The following EML6 variants were observed in gnomAD, a reference collection of about 807,000 sequenced individuals.
EML6 encodes the protein EMAP like 6, also known as echinoderm microtubule-associated protein-like 6.
Under a neutral mutation model 240.1 loss-of-function variants are expected in EML6, and 154 were observed. That is an observed-to-expected ratio of 0.64 (90% CI 0.56 to 0.73). The LOEUF (loss-of-function observed/expected upper bound fraction) is 0.73, where lower values mean the gene tolerates loss of function less well. Among genes scored for constraint, EML6 ranks in the 30% least tolerant of loss-of-function variants. The probability of loss-of-function intolerance (pLI) is 0.00; values close to 1 mark genes in which losing one functional copy is unlikely to be tolerated. For synonymous variants in EML6, 1,148 were observed against 899.0 expected (o/e 1.28, Z -4.95); for missense variants, 2,964 against 2,474.6 (o/e 1.20, Z -4.20).
At chr2:54,767,997 T>C (rs1473356709) in intron 2 of EML6, among the ~76,000 whole-genome samples, 1 of 152,172 alleles carries the variant, frequency 6.6e-6, no homozygotes, top group South Asian at 2.1e-4. Flanking sequence ...GTAATGATTC[T>C]TAGGCTTTGT....
At chr2:54,943,167 G>C (rs1360589193) in intron 28 of EML6, among the ~76,000 whole-genome samples, 2 of 152,144 alleles carry the variant, frequency 1.3e-5, no homozygotes, top group Admixed American at 6.5e-5. Flanking sequence ...GAAGCCACTG[G>C]CACGCATTCC....
intron 2 of EML6, among the ~76,000 whole-genome samples, chr2:54,790,583 T>G (rs1669381183): frequency 6.6e-6 from 1 of 152,198 alleles, no homozygotes; most frequent in Admixed American, 6.5e-5. Flanking sequence ...GCCAAGGACC[T>G]ACATTTTAAT....
chr2:54,732,809 G>A (rs1221876558), intron 2 of EML6, among the ~76,000 whole-genome samples: 3 of 152,228 alleles, frequency 2.0e-5, no homozygotes, highest in African/African-American at 7.2e-5. Flanking sequence ...AATAGTGAGT[G>A]CAGTGTTTAG....
intron 2 of EML6, among the ~76,000 whole-genome samples, chr2:54,784,908 A>T (rs770366056): frequency 6.6e-6 from 1 of 152,204 alleles, no homozygotes; most frequent in Non-Finnish European, 1.5e-5. Flanking sequence ...AGAGTACATC[A>T]TCTGTTTACA....
rs952966555 is a variant in EML6 at position 54,816,842 on chromosome 2, G to A, written c.413G>A (p.Arg138Lys). Residue 138 changes from arginine to lysine, a missense_variant, in exon 4 of 42, where the codon AGG becomes AAG. Physicochemically the swap from Arg to Lys is conservative, Grantham distance 26 (BLOSUM62 2). Transcript: ENST00000356458. ...AACACAGTCTGCATTTGGGACTGGA[G>A]GAAGGGAAAACTTCTGGCGTCAGCC... ...AKNTVCIWDW[R>K]KGKLLASATG... The A allele has an allele frequency of 6.4e-7, 1 of 1,551,558 alleles. No individual in the cohort carries two copies. Among genetic ancestry groups the A allele is most frequent in the Non-Finnish European group, 8.7e-7 (1 of 1,146,864 alleles).
intron 17 of EML6, among the ~76,000 whole-genome samples, chr2:54,889,295 G>A (rs1419951985): frequency 6.6e-6 from 1 of 151,764 alleles, no homozygotes; most frequent in Non-Finnish European, 1.5e-5. Flanking sequence ...TCTTCCATGA[G>A]AGCTTTAAAA....
chr2:54,833,483 G>C (rs753808163), intron 7 of EML6, among the ~76,000 whole-genome samples: 9 of 152,204 alleles, frequency 5.9e-5, no homozygotes, highest in Non-Finnish European at 1.3e-4. Flanking sequence ...GTAGTAGCTT[G>C]AGCTAATTAG....
At chr2:54,788,520 G>GC (rs540579574) in intron 2 of EML6, among the ~76,000 whole-genome samples, 9 of 152,136 alleles carry the variant, frequency 5.9e-5, no homozygotes, top group East Asian at 3.9e-4. Flanking sequence ...ATCTGGGGCC[G>GC]CCCCCCGCCC....
At chr2:54,957,571 G>T (rs1433892494) in intron 32 of EML6, among the ~76,000 whole-genome samples, 1 of 152,174 alleles carries the variant, frequency 6.6e-6, no homozygotes, top group African/African-American at 2.4e-5. Context: ...GAATGCCTGG[G>T]TTGGGGGATC....
At chr2:54,961,813 G>A (rs1054366894) in intron 35 of EML6, among the ~76,000 whole-genome samples, 22 of 151,708 alleles carry the variant, frequency 1.5e-4, no homozygotes, top group African/African-American at 5.3e-4. Flanking sequence ...GAGACCACCT[G>A]GCCAATATGG....
intron 7 of EML6, among the ~76,000 whole-genome samples, chr2:54,831,643 C>G (rs1031264222): frequency 1.3e-5 from 2 of 152,252 alleles, no homozygotes; most frequent in Non-Finnish European, 1.5e-5. Context: ...CCCTGTGGTG[C>G]CTGGGCTTGG....
intron 28 of EML6, among the ~76,000 whole-genome samples, chr2:54,942,474 T>C (rs1466222977): frequency 6.6e-6 from 1 of 152,168 alleles, no homozygotes; most frequent in Non-Finnish European, 1.5e-5. Flanking sequence ...GGTGTTGATC[T>C]GCCTCCTGTC....
intron 28 of EML6, among the ~76,000 whole-genome samples, chr2:54,933,512 T>C (rs934344574): frequency 1.3e-5 from 2 of 152,084 alleles, no homozygotes; most frequent in African/African-American, 4.8e-5. Context: ...GGTGGGCAGA[T>C]TACATGAGGC....
intron 17 of EML6, among the ~76,000 whole-genome samples, chr2:54,886,468 CCT>C (rs1226551872): frequency 6.6e-6 from 1 of 152,150 alleles, no homozygotes; most frequent in African/African-American, 2.4e-5. Flanking sequence ...CCGCGTCTGG[CCT>C]CTTTCTTTCT....
At chr2:54,737,757 G>T (rs780707752) in intron 2 of EML6, among the ~76,000 whole-genome samples, 10 of 152,114 alleles carry the variant, frequency 6.6e-5, no homozygotes, top group Non-Finnish European at 1.3e-4. Context: ...TGAACAGGTC[G>T]TGTCAATTCT....
At position 54,724,313 on chromosome 2, in the gene EML6, C is replaced by T. The variant is rs943353407; in HGVS notation, c.-513-236C>T. 2.0e-5 allele frequency among the ~76,000 whole-genome samples: 3 copies of T among 152,206 alleles called. No homozygotes were observed. The highest frequency in any genetic ancestry group is 3.9e-4 in the East Asian group (2 of 5,170). Reference sequence around the variant, plus strand: ...AAAAAATGACCATTGCATATTCGCCCTCGCTTATTAGGGAAACAGCAAGCG... The same window carrying T: ...AAAAAATGACCATTGCATATTCGCCTTCGCTTATTAGGGAAACAGCAAGCG... On this transcript the variant is annotated intron_variant, in intron 1 of 41. Coordinates refer to ENST00000356458, the MANE Select transcript of EML6 (RefSeq NM_001039753.4). This position sits in a 1 kb window ranked among gnomAD's most constrained non-coding sequence, Gnocchi z 5.2.
intron 11 of EML6, among the ~76,000 whole-genome samples, 188 bp from the exon 12 acceptor site, chr2:54,859,346 T>C (rs1242101477): frequency 6.6e-6 from 1 of 152,246 alleles, no homozygotes; most frequent in Non-Finnish European, 1.5e-5. Context: ...ATTTTTAGCT[T>C]ACTGCATATT....
chr2:54,965,162 G>A (rs1676692374), intron 38 of EML6, among the ~76,000 whole-genome samples: 1 of 152,160 alleles, frequency 6.6e-6, no homozygotes, highest in Non-Finnish European at 1.5e-5. Context: ...TGGAGTGAAA[G>A]CTCATCCCTG....
intron 15 of EML6, among the ~76,000 whole-genome samples, chr2:54,870,325 T>G (rs185584443): frequency 6.7e-6 from 1 of 149,718 alleles, no homozygotes; most frequent in Non-Finnish European, 1.5e-5. Flanking sequence ...CTTTTAAATT[T>G]TTTTTTAAAA....
Sources: allele counts gnomAD v4.1 joint callset (sites outside exome capture counted in the v4.1 genomes callset), GRCh38; gene constraint gnomAD v4.1.1; non-coding constraint Gnocchi (gnomAD v3.1); transcripts MANE v1.5; gene names NCBI Gene and HGNC (gene_info 2026-07-23, HGNC 2026-07-21).